Variants in C9orf85 observed in about 807,000 individuals in gnomAD.
The protein encoded by C9orf85 is chromosome 9 open reading frame 85.
In C9orf85, 16 loss-of-function variants were observed where a neutral mutation model predicts 14.9. The observed-to-expected ratio is 1.08, with a 90% CI of 0.73 to 1.63. The LOEUF (loss-of-function observed/expected upper bound fraction) is 1.63, where lower values mean the gene tolerates loss of function less well. C9orf85 is among the 40% of genes most tolerant of loss of function. C9orf85 has a pLI of 0.00. For missense variants in C9orf85, 172 were observed against 186.1 expected (o/e 0.92, Z 0.44); for synonymous variants, 45 against 56.8 (o/e 0.79, Z 0.93).
chr9:71,946,238 G>GC (rs1822082691), intron 1 of C9orf85, among the ~76,000 whole-genome samples: 1 of 152,020 alleles, frequency 6.6e-6, no homozygotes, highest in African/African-American at 2.4e-5. Flanking sequence ...CTTCTCCCTG[G>GC]CACCCCTTCC....
chr9:71,952,397 C>T (rs1372966750), intron 2 of C9orf85, among the ~76,000 whole-genome samples: 2 of 152,162 alleles, frequency 1.3e-5, no homozygotes, highest in Non-Finnish European at 2.9e-5. Flanking sequence ...CGGAGTCTCG[C>T]TCTGTCGCCC....
intron 1 of C9orf85, among the ~76,000 whole-genome samples, chr9:71,920,971 C>G (rs1827787141): frequency 1.3e-5 from 2 of 152,052 alleles, no homozygotes; most frequent in South Asian, 2.1e-4. Flanking sequence ...CAGGTCAAGA[C>G]ATGCCTCATC....
intron 1 of C9orf85, among the ~76,000 whole-genome samples, chr9:71,921,970 C>G (rs1589246233): frequency 3.8e-4 from 1 of 2,630 alleles, no homozygotes; most frequent in Non-Finnish European, 1.3e-3. Flanking sequence ...GAAACAGAGT[C>G]TTGCTCTGTC....
rs1554709461 is a variant in C9orf85, at chr9:71,968,101, T to TATATATAGAGAG, written c.210-3403_210-3402insTATATAGAGAGA. Among the ~76,000 whole-genome samples the TATATATAGAGAG allele has an allele frequency of 3.4e-5, 5 of 146,818 alleles. No homozygotes were observed. In the East Asian group the frequency reaches 8.0e-4, roughly 24 times the overall value. On this transcript the variant is annotated intron_variant, in intron 2 of 3. Coordinates refer to ENST00000334731, the MANE Select transcript of C9orf85 (RefSeq NM_182505.5). ...ATCCATTGCTGCATATATATATATA[T>TATATATAGAGAG]AGAGAGAGAGAGAGAGAGTGCATGC...
chr9:71,943,973 C>T (rs1326767082), intron 1 of C9orf85, among the ~76,000 whole-genome samples: 11 of 151,892 alleles, frequency 7.2e-5, no homozygotes, highest in Non-Finnish European at 1.3e-4. Context: ...CGGTGGCTCA[C>T]GCCTATAATC....
chr9:71,948,694 G>A (rs1349559547), intron 2 of C9orf85, among the ~76,000 whole-genome samples: 1 of 151,094 alleles, frequency 6.6e-6, no homozygotes, highest in Non-Finnish European at 1.5e-5. Flanking sequence ...GCTAATTTTT[G>A]TATTTTTTTG....
chr9:71,957,109 G>C (rs199585647), intron 2 of C9orf85, among the ~76,000 whole-genome samples: 1 of 151,916 alleles, frequency 6.6e-6, no homozygotes, highest in Non-Finnish European at 1.5e-5. Flanking sequence ...CTACAGCACC[G>C]GCCAAGACTG....
At chr9:71,947,213 T>A in intron 2 of C9orf85, 101 bp downstream of exon 2, 2 of 776,856 alleles carry the variant, frequency 2.6e-6, no homozygotes, top group Non-Finnish European at 2.0e-6. Flanking sequence ...AATGTTAAAG[T>A]AAATGATGAA....
intron 1 of C9orf85, among the ~76,000 whole-genome samples, chr9:71,933,999 G>A (rs1023734244): frequency 1.3e-5 from 2 of 152,102 alleles, no homozygotes; most frequent in African/African-American, 4.8e-5. Flanking sequence ...TCAAGCCAGT[G>A]TATAATCTCC....
At chr9:71,918,108 A>T (rs1159203133) in intron 1 of C9orf85, among the ~76,000 whole-genome samples, 1 of 152,162 alleles carries the variant, frequency 6.6e-6, no homozygotes, top group Non-Finnish European at 1.5e-5. Context: ...ACTTGAACCC[A>T]GGAGGCAGAG....
intron 2 of C9orf85, among the ~76,000 whole-genome samples, chr9:71,953,145 G>A (rs565591333): frequency 3.9e-5 from 6 of 152,202 alleles, no homozygotes; most frequent in Admixed American, 2.6e-4. Flanking sequence ...AAGACGGCCC[G>A]CCACAATAAA....
At chr9:71,936,520 G>A (rs72739885) in intron 1 of C9orf85, among the ~76,000 whole-genome samples, 13,590 of 152,024 alleles carry the variant, frequency 0.089, 730 homozygotes, top group Non-Finnish European at 0.13. Flanking sequence ...AAAATTTTGA[G>A]GAAGGAAAGG....
At chr9:71,967,573 A>G (rs1236699348) in intron 2 of C9orf85, among the ~76,000 whole-genome samples, 2 of 152,160 alleles carry the variant, frequency 1.3e-5, no homozygotes, top group Admixed American at 1.3e-4. Flanking sequence ...TACTGACCCC[A>G]TATATTGTGA....
In C9orf85 at chr9:71,967,713, CTTTTTTTTTTTTTTT is replaced by C. The variant is rs55750667; in HGVS notation, c.210-3784_210-3770del. Among the ~76,000 whole-genome samples the C allele has an allele frequency of 2.6e-3, 241 of 94,090 alleles. 1 individual carries two copies. The highest frequency in any genetic ancestry group is 1.9e-3 in the Non-Finnish European group (96 of 49,680). The allele number at this position is 94,090 out of a possible 152,430, so 61.7% of individuals were successfully genotyped here. ...CTTCTTTTCAATCTCTATGACCTTTCTTTTTTTTTTTTTTTTTTTTTTGGCTGCCATTGCACTGCC... is the reference window on the plus strand; with the variant it reads ...CTTCTTTTCAATCTCTATGACCTTTCTTTTTTTGGCTGCCATTGCACTGCC... On this transcript the variant is annotated intron_variant, in intron 2 of 3. Transcript: ENST00000334731.
chr9:71,975,568 C>T (rs565987718), downstream of C9orf85, among the ~76,000 whole-genome samples: 1 of 152,308 alleles, frequency 6.6e-6, no homozygotes, highest in African/African-American at 2.4e-5. Flanking sequence ...CGTGTTGCCT[C>T]ACGCCTGTAA....
At chr9:71,956,703 CAACT>C (rs1822389626) in intron 2 of C9orf85, among the ~76,000 whole-genome samples, 1 of 151,984 alleles carries the variant, frequency 6.6e-6, no homozygotes, top group Non-Finnish European at 1.5e-5. Flanking sequence ...TTGGAATGCT[CAACT>C]CTTAGTATTA....
chr9:71,962,465 G>A (rs1207753385), intron 2 of C9orf85, among the ~76,000 whole-genome samples: 1 of 152,168 alleles, frequency 6.6e-6, no homozygotes, highest in Non-Finnish European at 1.5e-5. Flanking sequence ...GCAATGTTGC[G>A]TTTCTGTTTT....
chr9:71,919,401 T>C (rs561668313), intron 1 of C9orf85, among the ~76,000 whole-genome samples: 10 of 152,352 alleles, frequency 6.6e-5, no homozygotes, highest in Admixed American at 4.6e-4. Flanking sequence ...TGGCCAGACA[T>C]AGAATCTACC....
At chr9:71,945,800 T>G (rs1011562217) in intron 1 of C9orf85, among the ~76,000 whole-genome samples, 2 of 152,160 alleles carry the variant, frequency 1.3e-5, no homozygotes, top group African/African-American at 2.4e-5. Flanking sequence ...CTTGAGAAAT[T>G]TTAAAAGAAA....
Sources: gnomAD v4.1 joint callset for allele counts (sites outside exome capture counted in the v4.1 genomes callset) on GRCh38, gnomAD v4.1.1 for gene constraint, MANE v1.5 for transcripts, NCBI Gene and HGNC (gene_info 2026-07-23, HGNC 2026-07-21) for gene names.